Variants in SKAP1 observed in about 807,000 individuals in gnomAD.
SKAP1 encodes the protein src kinase-associated phosphoprotein 1.
In SKAP1, 44 loss-of-function variants were observed where a neutral mutation model predicts 58.5. The observed-to-expected ratio is 0.75, with a 90% CI of 0.59 to 0.97. The LOEUF (loss-of-function observed/expected upper bound fraction) is 0.97, where lower values mean the gene tolerates loss of function less well. Among genes scored for constraint, SKAP1 ranks in the 50% least tolerant of loss-of-function variants. The pLI is 0.00. For missense variants in SKAP1, 390 were observed against 435.2 expected (o/e 0.90, Z 0.92); for synonymous variants, 127 against 149.7 (o/e 0.85, Z 1.11).
chr17:48,134,683 G>A (rs1015469798), intron 12 of SKAP1, among the ~76,000 whole-genome samples: 1 of 152,058 alleles, frequency 6.6e-6, no homozygotes, highest in African/African-American at 2.4e-5. Flanking sequence ...AAATGACAGA[G>A]TGAAAAGGGT....
intron 1 of SKAP1, among the ~76,000 whole-genome samples, chr17:48,428,334 A>G (rs7211712): frequency 0.2 from 29,904 of 152,218 alleles, 3,027 homozygotes; most frequent in Non-Finnish European, 0.22. Flanking sequence ...GCGACATGCA[A>G]TTAATCTCCA....
At chr17:48,305,372 C>T (rs1406706128) in intron 4 of SKAP1, among the ~76,000 whole-genome samples, 2 of 152,156 alleles carry the variant, frequency 1.3e-5, no homozygotes, top group Non-Finnish European at 2.9e-5. Flanking sequence ...TTTAATGGAA[C>T]ACAGCCACAA....
intron 11 of SKAP1, among the ~76,000 whole-genome samples, chr17:48,149,151 C>G (rs1288819242): frequency 6.6e-6 from 1 of 152,224 alleles, no homozygotes; most frequent in Non-Finnish European, 1.5e-5. Flanking sequence ...CCATCTCATT[C>G]AGGACAAGTA....
At chr17:48,287,196 A>T (rs926912554) in intron 4 of SKAP1, among the ~76,000 whole-genome samples, 1 of 152,140 alleles carries the variant, frequency 6.6e-6, no homozygotes, top group Non-Finnish European at 1.5e-5. Flanking sequence ...AAATTGTGCC[A>T]GTGCCACAGC....
intron 4 of SKAP1, among the ~76,000 whole-genome samples, chr17:48,311,205 C>T (rs1416266281): frequency 6.6e-6 from 1 of 152,152 alleles, no homozygotes; most frequent in Non-Finnish European, 1.5e-5. Flanking sequence ...ACGACAGAAG[C>T]ATGGCCATTA....
chr17:48,189,190 C>T (rs1355134850), intron 5 of SKAP1, among the ~76,000 whole-genome samples: 1 of 152,190 alleles, frequency 6.6e-6, no homozygotes, highest in Non-Finnish European at 1.5e-5. Context: ...CAGAGGTGAG[C>T]AGGACATAAC....
At chr17:48,279,418 T>C (rs943443965) in intron 4 of SKAP1, among the ~76,000 whole-genome samples, 1 of 152,196 alleles carries the variant, frequency 6.6e-6, no homozygotes. Flanking sequence ...TTTAGTTTGC[T>C]GATCATTGAT....
At chr17:48,383,522 T>C (rs2067242365) in intron 2 of SKAP1, among the ~76,000 whole-genome samples, 1 of 152,132 alleles carries the variant, frequency 6.6e-6, no homozygotes, top group Non-Finnish European at 1.5e-5. Context: ...TCAAAAATAA[T>C]TTCATTTTCA....
At position 48,298,502 on chromosome 17, in the gene SKAP1, G is replaced by T. The variant is rs181561599; in HGVS notation, c.280+47403C>A. Among the ~76,000 whole-genome samples, 233 of 152,282 alleles carry T rather than the reference G, an allele frequency of 1.5e-3. 1 individual carries two copies. Among genetic ancestry groups the T allele is most frequent in the Middle Eastern group, 3.4e-3 (1 of 294 alleles). Reference sequence around the variant, plus strand: ...GACTATAAAATAAGAATAGTTAAAAGACAAAAATTAAAAACTCTTAACTGT... The same window carrying T: ...GACTATAAAATAAGAATAGTTAAAATACAAAAATTAAAAACTCTTAACTGT... On this transcript the variant is annotated intron_variant, in intron 4 of 12. Coordinates refer to ENST00000336915, the MANE Select transcript of SKAP1 (RefSeq NM_003726.4).
chr17:48,367,536 GTA>G (rs67346038), intron 2 of SKAP1, among the ~76,000 whole-genome samples: 30,774 of 135,492 alleles, frequency 0.23, 3,285 homozygotes, highest in Admixed American at 0.24. Flanking sequence ...GTATGTGTGT[GTA>G]TATATATATA....
intron 7 of SKAP1, among the ~76,000 whole-genome samples, chr17:48,184,376 G>A (rs1022029814): frequency 1.3e-5 from 2 of 152,056 alleles, no homozygotes; most frequent in Non-Finnish European, 2.9e-5. Context: ...AAAATCAGTC[G>A]AAGAATAAAG....
At chr17:48,193,641 C>T (rs1414980103) in intron 4 of SKAP1, 1 of 965,090 alleles carries the variant, frequency 1.0e-6, no homozygotes, top group East Asian at 1.1e-4. Flanking sequence ...TCCACAGTGG[C>T]ATGCAAGGTA....
At chr17:48,301,029 T>G (rs942863911) in intron 4 of SKAP1, among the ~76,000 whole-genome samples, 3 of 152,184 alleles carry the variant, frequency 2.0e-5, no homozygotes, top group African/African-American at 7.2e-5. Flanking sequence ...TTATCTTCTC[T>G]TTTAGACTGG....
chr17:48,405,458 CTTT>C (rs2067567643), intron 1 of SKAP1, among the ~76,000 whole-genome samples: 1 of 77,654 alleles, frequency 1.3e-5, no homozygotes, highest in Non-Finnish European at 2.4e-5. Flanking sequence ...TCTTTTCTTT[CTTT>C]CTTTCCTTCC....
intron 2 of SKAP1, among the ~76,000 whole-genome samples, chr17:48,395,087 A>G (rs56146024): frequency 0.21 from 32,123 of 152,096 alleles, 3,389 homozygotes; most frequent in Admixed American, 0.22. Context: ...CTTTGAGAAC[A>G]AGAATTTGAG....
In SKAP1 at chr17:48,180,058, C is replaced by G. The variant is rs1033101502; in HGVS notation, c.822G>C (p.Leu274Phe). 3 of 1,585,634 alleles carry G rather than the reference C, an allele frequency of 1.9e-6. No homozygotes were observed. The highest frequency in any genetic ancestry group is 2.3e-5 in the East Asian group (1 of 44,412). The part of the protein sequence containing the change: ...EKEEEDIYEV[L>F]PDEEHDLEED... ...TCAGAGGACAAAATTTCTCACCTGG[C>G]AAGACTTCATAAATATCTTCTTCTT... Residue 274 changes from leucine (L) to phenylalanine (F), a missense_variant, in exon 9 of 13, where the codon TTG becomes TTC. Physicochemically the swap from Leu to Phe is conservative, Grantham distance 22. Transcript: ENST00000336915.
intron 4 of SKAP1, among the ~76,000 whole-genome samples, chr17:48,201,319 T>A (rs1360163607): frequency 6.6e-6 from 1 of 151,150 alleles, no homozygotes; most frequent in Non-Finnish European, 1.5e-5. Flanking sequence ...CTTCCTTCCT[T>A]CCTTCTCTCC....
At chr17:48,332,007 T>C (rs1029004951) in intron 4 of SKAP1, among the ~76,000 whole-genome samples, 4 of 152,210 alleles carry the variant, frequency 2.6e-5, no homozygotes, top group Non-Finnish European at 5.9e-5. Flanking sequence ...CACATTATGT[T>C]GTAAATTAAT....
intron 8 of SKAP1, among the ~76,000 whole-genome samples, chr17:48,181,615 T>C (rs930165968): frequency 6.6e-6 from 1 of 152,206 alleles, no homozygotes; most frequent in Non-Finnish European, 1.5e-5. Context: ...TGAAAAGGCT[T>C]TGCGTTTTTA....
Sources: gnomAD v4.1 joint callset for allele counts (sites outside exome capture counted in the v4.1 genomes callset) on GRCh38, gnomAD v4.1.1 for gene constraint, MANE v1.5 for transcripts, NCBI Gene and HGNC (gene_info 2026-07-23, HGNC 2026-07-21) for gene names.